Variants in EYS observed in about 807,000 individuals in gnomAD.
EYS encodes the protein protein eyes shut homolog.
A neutral mutation model predicts 282.1 loss-of-function variants in EYS; 250 were observed. The ratio of observed to expected loss-of-function variants is 0.89; its 90% CI spans 0.80 to 0.98. The LOEUF (loss-of-function observed/expected upper bound fraction) is 0.98. Ranked by LOEUF, EYS falls within the 50% of genes least tolerant of loss-of-function variation. The pLI, the probability that EYS is intolerant of heterozygous loss-of-function variation, is 0.00. For missense variants in EYS, 4,016 were observed against 3,709.0 expected, an observed-to-expected ratio of 1.08 and a Z score of -2.15; for synonymous variants, 1,355 against 1,282.9, an observed-to-expected ratio of 1.06 and a Z score of -1.20.
intron 29 of EYS, among the ~76,000 whole-genome samples, chr6:64,329,121 A>G (rs2150389261): frequency 6.6e-6 from 1 of 152,250 alleles, no homozygotes; most frequent in South Asian, 2.1e-4. Context: ...TATGGTCTCA[A>G]TGGAGGTAGG....
chr6:64,175,751 C>T (rs773542403), intron 31 of EYS, among the ~76,000 whole-genome samples: 7 of 152,066 alleles, frequency 4.6e-5, no homozygotes, highest in Non-Finnish European at 7.4e-5. Context: ...CACGCAATCT[C>T]GGTCACCCCA....
At chr6:65,505,417 T>C (rs1305347097) in intron 2 of EYS, among the ~76,000 whole-genome samples, 1 of 151,928 alleles carries the variant, frequency 6.6e-6, no homozygotes, top group East Asian at 1.9e-4. Flanking sequence ...TGAGCTCTAT[T>C]CTAATTTTAA....
At chr6:65,160,895 T>C (rs1764836732) in intron 12 of EYS, among the ~76,000 whole-genome samples, 1 of 138,730 alleles carries the variant, frequency 7.2e-6, no homozygotes, top group Admixed American at 7.0e-5. Context: ...AATTTACTAT[T>C]TACTGACATC....
At chr6:65,213,882 C>T (rs145428091) in intron 12 of EYS, among the ~76,000 whole-genome samples, 1 of 151,900 alleles carries the variant, frequency 6.6e-6, no homozygotes, top group African/African-American at 2.4e-5. Context: ...GAAAGCTGGC[C>T]GGGCGTGGTG....
intron 12 of EYS, among the ~76,000 whole-genome samples, chr6:65,079,425 T>C (rs980757731): frequency 2.0e-5 from 3 of 152,110 alleles, no homozygotes; most frequent in Non-Finnish European, 4.4e-5. Context: ...ATTTTCAACC[T>C]TCAGTTTCAT....
chr6:65,055,368 A>G (rs1043767664), intron 13 of EYS, among the ~76,000 whole-genome samples: 2 of 152,084 alleles, frequency 1.3e-5, no homozygotes, highest in East Asian at 1.9e-4. Flanking sequence ...TTAGATTTAC[A>G]GAACAGTTGC....
At chr6:63,781,500 T>C (rs1191316847) in intron 39 of EYS, among the ~76,000 whole-genome samples, 2 of 152,174 alleles carry the variant, frequency 1.3e-5, no homozygotes, top group Non-Finnish European at 2.9e-5. Context: ...TATTTTACTC[T>C]CTTTGAAGCA....
intron 5 of EYS, among the ~76,000 whole-genome samples, chr6:65,426,180 C>T (rs34055505): frequency 0.066 from 10,001 of 151,990 alleles, 421 homozygotes; most frequent in South Asian, 0.11. Context: ...GTTCTTGCTA[C>T]GTTGCTTAGG....
At chr6:64,197,999 A>T (rs1014549331) in intron 31 of EYS, among the ~76,000 whole-genome samples, 10 of 150,238 alleles carry the variant, frequency 6.7e-5, no homozygotes, top group Non-Finnish European at 8.9e-5. Flanking sequence ...TTATTTATTT[A>T]TTTATTTTTT....
intron 35 of EYS, among the ~76,000 whole-genome samples, chr6:63,941,300 A>G (rs1425591896): frequency 6.6e-6 from 1 of 152,210 alleles, no homozygotes; most frequent in East Asian, 1.9e-4. Context: ...AGTCCCACCA[A>G]CAGTGTAAAA....
intron 12 of EYS, among the ~76,000 whole-genome samples, chr6:65,264,115 A>T (rs1201833050): frequency 1.3e-5 from 2 of 152,108 alleles, no homozygotes; most frequent in Non-Finnish European, 1.5e-5. Context: ...TATTTAAAAA[A>T]ATTAATCAAC....
chr6:64,040,343 G>C (rs1770329613), intron 33 of EYS, among the ~76,000 whole-genome samples: 1 of 152,228 alleles, frequency 6.6e-6, no homozygotes, highest in Admixed American at 6.5e-5. Flanking sequence ...AATTACTTAA[G>C]TGTAATTTGG....
intron 9 of EYS, 62 bp downstream of exon 9, chr6:65,353,396 A>T: frequency 7.0e-7 from 1 of 1,421,716 alleles, no homozygotes; most frequent in Non-Finnish European, 9.9e-7. Context: ...GAAAATGAAT[A>T]CGTGACTAGC....
intron 2 of EYS, among the ~76,000 whole-genome samples, chr6:65,525,300 G>A (rs1767515732): frequency 6.6e-6 from 1 of 151,994 alleles, no homozygotes; most frequent in Admixed American, 6.6e-5. Context: ...CCTCTGCAGA[G>A]GTCACTGTTT....
At chr6:64,712,040 C>T (rs1466669236) in intron 22 of EYS, among the ~76,000 whole-genome samples, 1 of 152,226 alleles carries the variant, frequency 6.6e-6, no homozygotes, top group Non-Finnish European at 1.5e-5. Flanking sequence ...AGTTCTCAAT[C>T]TGGTCCAAGG....
intron 2 of EYS, among the ~76,000 whole-genome samples, chr6:65,616,844 C>T (rs143089184): frequency 2.0e-4 from 31 of 151,470 alleles, no homozygotes; most frequent in East Asian, 7.8e-4. Flanking sequence ...AAAATAAATA[C>T]GTATATATCT....
intron 31 of EYS, among the ~76,000 whole-genome samples, chr6:64,213,477 T>A (rs1582436107): frequency 6.6e-6 from 1 of 152,260 alleles, no homozygotes; most frequent in African/African-American, 2.4e-5. Flanking sequence ...AGAAAATGCA[T>A]CAGCATGATA....
chr6:64,505,130 T>C (rs1176905157), intron 26 of EYS, among the ~76,000 whole-genome samples: 1 of 152,182 alleles, frequency 6.6e-6, no homozygotes, highest in Non-Finnish European at 1.5e-5. Flanking sequence ...AGGGTAGAGA[T>C]ACAGAATAAT....
intron 24 of EYS, among the ~76,000 whole-genome samples, chr6:64,603,861 C>CTGTGTGTGTGTG (rs34430318): frequency 2.2e-3 from 325 of 148,270 alleles, no homozygotes; most frequent in African/African-American, 5.6e-3. Flanking sequence ...AAATGAATAC[C>CTGTGTGTGTGTG]TGTGTGTGTG....
Sources: gnomAD v4.1 joint callset for allele counts (sites outside exome capture counted in the v4.1 genomes callset) on GRCh38, gnomAD v4.1.1 for gene constraint, MANE v1.5 for transcripts, NCBI Gene and HGNC (gene_info 2026-07-23, HGNC 2026-07-21) for gene names.